ANTXR1: variants seen among roughly 807,000 people sequenced by gnomAD.
ANTXR1 encodes ANTXR cell adhesion molecule 1.
Under a neutral mutation model 78.1 loss-of-function variants are expected in ANTXR1, and 19 were observed. The observed-to-expected ratio is 0.24, with a 90% CI of 0.17 to 0.36. The LOEUF (loss-of-function observed/expected upper bound fraction) is 0.36. ANTXR1 is among the 10% of genes least tolerant of loss of function. The pLI is 1.00. For missense variants in ANTXR1, 518 were observed against 718.6 expected, an observed-to-expected ratio of 0.72 and a Z score of 3.19; for synonymous variants, 273 against 260.5, an observed-to-expected ratio of 1.05 and a Z score of -0.46.
intron 17 of ANTXR1, among the ~76,000 whole-genome samples, chr2:69,244,047 T>C (rs1451086574): frequency 1.3e-5 from 2 of 152,142 alleles, no homozygotes; most frequent in African/African-American, 4.8e-5. Context: ...GGAGAACCCC[T>C]GTCTCCCCTC....
At chr2:69,207,893 C>G (rs1326559157) in intron 17 of ANTXR1, among the ~76,000 whole-genome samples, 1 of 152,166 alleles carries the variant, frequency 6.6e-6, no homozygotes, top group Non-Finnish European at 1.5e-5. Context: ...GTTTCTCTCT[C>G]CCCCAGTGTG....
chr2:69,188,130 T>C (rs1558632717), intron 16 of ANTXR1, among the ~76,000 whole-genome samples: 1 of 148,894 alleles, frequency 6.7e-6, no homozygotes, highest in Non-Finnish European at 1.5e-5. Context: ...GATTTAAAAA[T>C]AGGGTCTTGT....
chr2:69,232,698 TG>T (rs1220903728), intron 17 of ANTXR1, among the ~76,000 whole-genome samples: 1 of 151,876 alleles, frequency 6.6e-6, no homozygotes, highest in Non-Finnish European at 1.5e-5. Flanking sequence ...TGAAAACAAA[TG>T]AGATAAGAAT....
intron 8 of ANTXR1, among the ~76,000 whole-genome samples, chr2:69,086,995 A>T (rs930148741): frequency 2.0e-5 from 3 of 152,202 alleles, no homozygotes; most frequent in Admixed American, 6.5e-5. Context: ...TTGATTTTCC[A>T]AACAAAATAT....
intron 13 of ANTXR1, among the ~76,000 whole-genome samples, chr2:69,161,164 G>C (rs1421119776): frequency 6.6e-6 from 1 of 152,184 alleles, no homozygotes; most frequent in African/African-American, 2.4e-5. Context: ...TTATTTTGCT[G>C]TTTCACTTCA....
rs905093991 is a variant in ANTXR1 at position 69,248,888 on chromosome 2, C to T, written c.*3403C>T. On this transcript the variant is annotated 3_prime_UTR_variant, in exon 18 of 18. Coordinates refer to ENST00000303714, the MANE Select transcript of ANTXR1 (RefSeq NM_032208.3). ...TCCTGTGGGAATGGAGTGTTCTAAC[C>T]AATTGCCTTTTCTTGTTATCTGAGC... 1.3e-5 allele frequency: 2 copies of T among 151,022 alleles called. No homozygotes were observed. The highest frequency in any genetic ancestry group is 1.3e-4 in the Admixed American group (2 of 15,266). 9.4% of individuals were successfully genotyped at this position (151,022 alleles called of 1,614,324 possible).
intron 6 of ANTXR1, among the ~76,000 whole-genome samples, chr2:69,075,269 C>CCAT (rs1188512447): frequency 6.6e-6 from 1 of 152,142 alleles, no homozygotes; most frequent in African/African-American, 2.4e-5. Context: ...CAGTAAAAAT[C>CCAT]CATCAAAGGA....
intron 17 of ANTXR1, among the ~76,000 whole-genome samples, chr2:69,221,485 A>G (rs1008515953): frequency 1.3e-5 from 2 of 152,210 alleles, no homozygotes; most frequent in East Asian, 1.9e-4. Flanking sequence ...GAGACTCAGT[A>G]GCATCTTAGT....
intron 12 of ANTXR1, among the ~76,000 whole-genome samples, chr2:69,133,829 T>G (rs562350016): frequency 6.6e-6 from 1 of 152,206 alleles, no homozygotes; most frequent in Non-Finnish European, 1.5e-5. Flanking sequence ...CTTTGAAATA[T>G]GTGGCTTAGC....
chr2:69,087,761 A>G (rs1378989533), intron 8 of ANTXR1, among the ~76,000 whole-genome samples: 1 of 151,954 alleles, frequency 6.6e-6, no homozygotes, highest in Non-Finnish European at 1.5e-5. Flanking sequence ...CATGGCTACC[A>G]CTGCCCGGGC....
chr2:69,091,363 C>T (rs894028875), intron 9 of ANTXR1, among the ~76,000 whole-genome samples: 3 of 147,142 alleles, frequency 2.0e-5, no homozygotes, highest in African/African-American at 7.5e-5. Flanking sequence ...ATCTCTTGAA[C>T]CCGGGAGGCA....
At chr2:69,104,079 C>T (rs1385875130) in intron 10 of ANTXR1, among the ~76,000 whole-genome samples, 2 of 151,946 alleles carry the variant, frequency 1.3e-5, no homozygotes, top group Admixed American at 6.6e-5. Context: ...GCTAGGATTA[C>T]AGGTGTGCAT....
chr2:69,241,752 C>A (rs76938889), intron 17 of ANTXR1, among the ~76,000 whole-genome samples: 2,549 of 152,276 alleles, frequency 0.017, 58 homozygotes, highest in African/African-American at 0.055. Flanking sequence ...CCTGATACCA[C>A]CTCCAACTGG....
rs1271388721 is a variant in ANTXR1 at position 69,248,019 on chromosome 2, C to G, written c.*2534C>G. On this transcript the variant is annotated 3_prime_UTR_variant, in exon 18 of 18. Transcript: ENST00000303714. ...TAGAATTACAGTTAAGAAGGAGAAA[C>G]TTCTATAAGACTGTATGAACAAGGT... The G allele has an allele frequency of 6.1e-6, 1 of 163,076 alleles. No individual in the cohort carries two copies. Among genetic ancestry groups the G allele is most frequent in the Non-Finnish European group, 1.5e-5 (1 of 68,108 alleles). The allele number at this position is 163,076 out of a possible 1,614,324, so 10.1% of individuals were successfully genotyped here.
At chr2:69,106,288 C>T (rs1043938602) in intron 10 of ANTXR1, among the ~76,000 whole-genome samples, 8 of 152,186 alleles carry the variant, frequency 5.3e-5, no homozygotes, top group Non-Finnish European at 1.0e-4. Flanking sequence ...AAGACAGTTT[C>T]TAGATTTGTG....
chr2:69,194,407 C>T (rs146781828), intron 17 of ANTXR1, among the ~76,000 whole-genome samples: 458 of 152,308 alleles, frequency 3.0e-3, no homozygotes, highest in Non-Finnish European at 4.6e-3. Context: ...GGGTTTGAAC[C>T]GCCTTTCCTT....
chr2:69,102,742 A>T, intron 9 of ANTXR1, 100 bp from the exon 10 acceptor site: 1 of 1,265,652 alleles, frequency 7.9e-7, no homozygotes. Flanking sequence ...TGAATATTTT[A>T]AGCCTGGTGA....
At chr2:69,215,679 C>T (rs1246626657) in intron 17 of ANTXR1, among the ~76,000 whole-genome samples, 1 of 152,130 alleles carries the variant, frequency 6.6e-6, no homozygotes, top group African/African-American at 2.4e-5. Flanking sequence ...AATATTTGCC[C>T]CCAGTAGAGT....
At chr2:69,083,002 G>A (rs373534949) in intron 8 of ANTXR1, among the ~76,000 whole-genome samples, 3 of 152,144 alleles carry the variant, frequency 2.0e-5, no homozygotes, top group South Asian at 2.1e-4. Context: ...TGAGATCAAC[G>A]GAACCGAGGA....
Sources: gnomAD v4.1 joint callset for allele counts (sites outside exome capture counted in the v4.1 genomes callset) on GRCh38, gnomAD v4.1.1 for gene constraint, MANE v1.5 for transcripts, NCBI Gene and HGNC (gene_info 2026-07-23, HGNC 2026-07-21) for gene names.